Variants in MYO9B observed in about 807,000 individuals in gnomAD.
MYO9B encodes the protein myosin IXB, also known as unconventional myosin-IXb.
Under a neutral mutation model 229.5 loss-of-function variants are expected in MYO9B, and 71 were observed. The ratio of observed to expected loss-of-function variants is 0.31; its 90% confidence interval spans 0.26 to 0.38. The LOEUF is 0.38. Ranked by LOEUF, MYO9B falls within the 10% of genes least tolerant of loss-of-function variation. The pLI, the probability that MYO9B is intolerant of heterozygous loss-of-function variation, is 1.00. For synonymous variants in MYO9B, 1,185 were observed against 1,235.8 expected, an observed-to-expected ratio of 0.96 and a Z score of 0.86; for missense variants, 2,255 against 2,920.5, an observed-to-expected ratio of 0.77 and a Z score of 5.25.
chr19:17,162,898 G>T, intron 9 of MYO9B, 90 bp from the exon 10 acceptor site: 1 of 1,439,292 alleles, frequency 6.9e-7, no homozygotes, highest in Non-Finnish European at 9.4e-7. Flanking sequence ...GACCTAACAG[G>T]TCACAGCCTG....
At chr19:17,205,215 C>A in intron 30 of MYO9B, 48 bp from the exon 31 acceptor site, 1 of 1,531,922 alleles carries the variant, frequency 6.5e-7, no homozygotes, top group Non-Finnish European at 9.0e-7. Flanking sequence ...CTGCAGGAAT[C>A]TGGGGTCCCC....
rs548948342 is a variant in MYO9B at position 17,105,600 on chromosome 19, C to A, written c.840+3043C>A. On this transcript the variant is annotated intron_variant, in intron 2 of 39. Transcript: ENST00000682292. ...ATATGAATGTGTCAGTTTCTTCACA[C>A]GTAGGATCCTGAGAGCCCCCTCAGT... Among the ~76,000 whole-genome samples, 6 of 152,236 alleles carry A rather than the reference C, an allele frequency of 3.9e-5. No individual in the cohort carries two copies. In the South Asian group the frequency reaches 1.2e-3, roughly 32 times the overall value.
intron 24 of MYO9B, 33 bp downstream of exon 24, chr19:17,198,341 C>G: frequency 6.2e-6 from 10 of 1,610,220 alleles, no homozygotes; most frequent in Non-Finnish European, 8.5e-6. Flanking sequence ...ACTCAGGCCA[C>G]CAGAGGATGC....
intron 2 of MYO9B, among the ~76,000 whole-genome samples, 169 bp downstream of exon 2, chr19:17,102,726 T>C (rs7251862): frequency 0.75 from 113,009 of 149,970 alleles, 42,854 homozygotes; most frequent in African/African-American, 0.84. Context: ...CATAGCAAGA[T>C]CTTTTCTCTA....
At chr19:17,114,480 C>T (rs2057880860) in intron 2 of MYO9B, among the ~76,000 whole-genome samples, 1 of 151,994 alleles carries the variant, frequency 6.6e-6, no homozygotes, top group African/African-American at 2.4e-5. Flanking sequence ...GCCCTAGGTG[C>T]GTGAGGATCT....
In MYO9B at chr19:17,205,306, G is replaced by A. The variant is rs2073147951; in HGVS notation, c.5034G>A (p.Gln1678=). ...TCHKKCVHKI[Q]SHCSYTYGRK... ...ACAAGAAGTGCGTGCACAAGATTCA[G>A]AGCCACTGCTCCTACACCTACGGGA... is the stretch of plus-strand genomic sequence containing the variant. Residue 1678 remains glutamine, a synonymous_variant, in exon 31 of 40, where the codon CAG becomes CAA. Coordinates refer to ENST00000682292, the MANE Select transcript of MYO9B (RefSeq NM_004145.4). 6.2e-7 allele frequency: 1 copy of A among 1,613,746 alleles called. No individual in the cohort carries two copies. The highest frequency in any genetic ancestry group is 1.3e-5 in the African/African-American group (1 of 74,912).
chr19:17,160,535 C>T (rs1280695628), intron 8 of MYO9B, among the ~76,000 whole-genome samples: 5 of 129,450 alleles, frequency 3.9e-5, no homozygotes, highest in Non-Finnish European at 7.8e-5. Context: ...TTTGAGATAG[C>T]GTCTCACTGT....
intron 6 of MYO9B, among the ~76,000 whole-genome samples, 164 bp from the exon 7 acceptor site, chr19:17,156,745 A>G (rs1254660115): frequency 6.6e-6 from 1 of 152,190 alleles, no homozygotes; most frequent in Non-Finnish European, 1.5e-5. Context: ...GCAAAGTCAC[A>G]TTCCACAGAG....
chr19:17,176,740 T>C (rs1277549205), intron 14 of MYO9B, among the ~76,000 whole-genome samples: 1 of 152,120 alleles, frequency 6.6e-6, no homozygotes, highest in Non-Finnish European at 1.5e-5. Context: ...TCTTCCCCCA[T>C]CCTGCCTGGA....
At chr19:17,093,858 A>T (rs1041256684) in intron 1 of MYO9B, among the ~76,000 whole-genome samples, 4 of 145,568 alleles carry the variant, frequency 2.7e-5, no homozygotes, top group Non-Finnish European at 4.5e-5. Context: ...ATGCCCAGCT[A>T]ATTTATTTAT....
intron 7 of MYO9B, 71 bp downstream of exon 7, chr19:17,157,109 C>A: frequency 6.5e-7 from 1 of 1,534,890 alleles, no homozygotes; most frequent in Non-Finnish European, 8.7e-7. Context: ...GTACGAGGGA[C>A]CATACCCAGA....
intron 3 of MYO9B, among the ~76,000 whole-genome samples, chr19:17,150,915 G>C (rs2072469585): frequency 7.1e-6 from 1 of 141,322 alleles, no homozygotes; most frequent in African/African-American, 2.4e-5. Context: ...CCCACATGAT[G>C]CCAGGTGCCT....
chr19:17,134,590 C>G (rs2072246303), intron 2 of MYO9B, among the ~76,000 whole-genome samples: 1 of 151,454 alleles, frequency 6.6e-6, no homozygotes, highest in Admixed American at 6.6e-5. Context: ...GAGATTTTAC[C>G]ACGTTAACCA....
At chr19:17,153,002 C>T (rs764364741) in intron 4 of MYO9B, among the ~76,000 whole-genome samples, 1 of 152,150 alleles carries the variant, frequency 6.6e-6, no homozygotes, top group Non-Finnish European at 1.5e-5. Context: ...ATTTCTCAAG[C>T]ATGGTAGCAC....
intron 2 of MYO9B, among the ~76,000 whole-genome samples, chr19:17,108,103 G>A (rs770027326): frequency 4.6e-5 from 7 of 152,108 alleles, no homozygotes; most frequent in African/African-American, 1.4e-4. Context: ...CAGCCTCCAC[G>A]CCTGCACAGT....
At chr19:17,200,860 G>A (rs985589132) in intron 26 of MYO9B, 31 bp downstream of exon 26, 2 of 1,605,342 alleles carry the variant, frequency 1.2e-6, no homozygotes, top group Non-Finnish European at 1.7e-6. Flanking sequence ...CCAGGGGCAT[G>A]AGGCCCGGTC....
chr19:17,156,624 G>A (rs903611073), intron 6 of MYO9B, among the ~76,000 whole-genome samples: 5 of 152,150 alleles, frequency 3.3e-5, no homozygotes, highest in Non-Finnish European at 5.9e-5. Context: ...GGCTGAGGCT[G>A]TAGAATCACT....
At chr19:17,088,267 C>G (rs2057602610) in intron 1 of MYO9B, among the ~76,000 whole-genome samples, 1 of 152,212 alleles carries the variant, frequency 6.6e-6, no homozygotes, top group Non-Finnish European at 1.5e-5. Flanking sequence ...GTGCACATGT[C>G]TCTTTTCCTT....
intron 2 of MYO9B, among the ~76,000 whole-genome samples, chr19:17,141,158 A>G (rs2072334268): frequency 6.6e-6 from 1 of 151,216 alleles, no homozygotes; most frequent in Admixed American, 6.6e-5. Flanking sequence ...CATAACAACC[A>G]GTATCCATCC....
Sources: allele counts gnomAD v4.1 joint callset (sites outside exome capture counted in the v4.1 genomes callset), GRCh38; gene constraint gnomAD v4.1.1; transcripts MANE v1.5; gene names NCBI Gene and HGNC (gene_info 2026-07-23, HGNC 2026-07-21).